The following ARHGAP10 variants were observed in gnomAD, a reference collection of about 807,000 sequenced individuals.
ARHGAP10 encodes the protein Rho GTPase activating protein 10.
In ARHGAP10, 87 loss-of-function variants were observed where a neutral mutation model predicts 108.6. That is an observed-to-expected ratio of 0.80 (90% confidence interval 0.67 to 0.96). The LOEUF is 0.96. ARHGAP10 is among the 40% of genes least tolerant of loss of function. The pLI is 0.00. For missense variants in ARHGAP10, 939 were observed against 954.5 expected, an observed-to-expected ratio of 0.98 and a Z score of 0.21; for synonymous variants, 347 against 341.1, an observed-to-expected ratio of 1.02 and a Z score of -0.19.
intron 10 of ARHGAP10, among the ~76,000 whole-genome samples, chr4:147,887,368 C>T (rs1436465489): frequency 6.6e-6 from 1 of 151,946 alleles, no homozygotes; most frequent in Admixed American, 6.6e-5. Context: ...ACTCAAGCAA[C>T]TCTACTTTTT....
intron 1 of ARHGAP10, among the ~76,000 whole-genome samples, chr4:147,793,162 GTATGTGTGTGTGTGTGTGCATA>G (rs1426709781): frequency 4.6e-5 from 7 of 151,792 alleles, no homozygotes; most frequent in African/African-American, 1.7e-4. Flanking sequence ...GTGTGTGTAT[GTATGTGTGTGTGTGTGTGCATA>G]TATGTGTGTG....
intron 1 of ARHGAP10, among the ~76,000 whole-genome samples, chr4:147,736,727 A>G (rs1728431784): frequency 6.6e-6 from 1 of 152,198 alleles, no homozygotes; most frequent in South Asian, 2.1e-4. Context: ...TAGCTGCTCA[A>G]TAAAATCACC....
Position 147,814,784 on chromosome 4 carries a change from A to G in ARHGAP10, c.155-7943A>G, listed in dbSNP as rs547770560. On this transcript the variant is annotated intron_variant, in intron 1 of 22. Coordinates refer to ENST00000336498, the MANE Select transcript of ARHGAP10 (RefSeq NM_024605.4). ...CCTAATTTCTTCTTTTTATAAGAAC[A>G]CAAGTCATATTGGAGCAGGGCCCAT... is the stretch of plus-strand genomic sequence containing the variant. Among the ~76,000 whole-genome samples, 16 of 152,298 alleles carry G rather than the reference A, an allele frequency of 1.1e-4. 1 individual carries two copies. The highest frequency in any genetic ancestry group is 3.6e-4 in the African/African-American group (15 of 41,556).
At chr4:148,051,942 AC>A (rs889517006) in intron 20 of ARHGAP10, among the ~76,000 whole-genome samples, 5 of 152,110 alleles carry the variant, frequency 3.3e-5, no homozygotes, top group African/African-American at 1.2e-4. Context: ...TTTCTCAGAG[AC>A]AGCTGCTTGG....
intron 18 of ARHGAP10, among the ~76,000 whole-genome samples, chr4:148,019,788 A>AC (rs1741493879): frequency 1.3e-5 from 2 of 151,936 alleles, no homozygotes; most frequent in South Asian, 4.2e-4. Context: ...AAAACAAAAA[A>AC]CAAAAAACGT....
chr4:147,849,308 C>G (rs1036204190), intron 4 of ARHGAP10, among the ~76,000 whole-genome samples: 1 of 151,530 alleles, frequency 6.6e-6, no homozygotes, highest in African/African-American at 2.4e-5. Context: ...AATAAATAGC[C>G]TATCCAACTG....
intron 10 of ARHGAP10, among the ~76,000 whole-genome samples, chr4:147,886,564 C>T (rs191942306): frequency 1.2e-4 from 19 of 152,322 alleles, no homozygotes; most frequent in African/African-American, 4.3e-4. Flanking sequence ...TCACTCATCA[C>T]AGTCCCTTTT....
intron 1 of ARHGAP10, among the ~76,000 whole-genome samples, chr4:147,752,596 T>G (rs1346009404): frequency 6.6e-6 from 1 of 152,032 alleles, no homozygotes; most frequent in Non-Finnish European, 1.5e-5. Flanking sequence ...GGCGTGATCT[T>G]GGCTCACTGC....
intron 4 of ARHGAP10, among the ~76,000 whole-genome samples, chr4:147,850,420 A>G (rs1383297090): frequency 6.6e-6 from 1 of 152,150 alleles, no homozygotes; most frequent in Non-Finnish European, 1.5e-5. Context: ...CACTACCTTT[A>G]TGAGCTGTAA....
intron 15 of ARHGAP10, among the ~76,000 whole-genome samples, chr4:147,953,192 C>T (rs1738674776): frequency 6.6e-6 from 1 of 151,864 alleles, no homozygotes; most frequent in African/African-American, 2.4e-5. Context: ...ATAGTTGCAT[C>T]TATGTTCATG....
At chr4:148,018,053 G>T (rs925291202) in intron 18 of ARHGAP10, among the ~76,000 whole-genome samples, 1 of 152,114 alleles carries the variant, frequency 6.6e-6, no homozygotes, top group African/African-American at 2.4e-5. Flanking sequence ...GAGTAAGCAA[G>T]CACTTCCTTA....
At chr4:147,767,367 CT>C (rs35679243) in intron 1 of ARHGAP10, among the ~76,000 whole-genome samples, 110,117 of 148,008 alleles carry the variant, frequency 0.74, 45,599 homozygotes, top group Non-Finnish European at 0.92. Context: ...CAGAATTTAT[CT>C]TTTTTTTTTT....
rs1474478455 is a variant in ARHGAP10, at chr4:148,001,619, A to T, written c.1717-21644A>T. ...CAGTGCTTTATAGTTCTCCTTGAAG[A>T]GGTCCTTCACATCCCTTGTAAGTTG... On this transcript the variant is annotated intron_variant, in intron 18 of 22. Transcript: ENST00000336498. Among the ~76,000 whole-genome samples, 3 of 140,876 alleles carry T rather than the reference A, an allele frequency of 2.1e-5. No homozygotes were observed. In the East Asian group the frequency reaches 6.3e-4, roughly 30 times the overall value. The allele number at this position is 140,876 out of a possible 152,430, so 92.4% of individuals were successfully genotyped here.
intron 1 of ARHGAP10, among the ~76,000 whole-genome samples, chr4:147,815,367 G>A (rs993302230): frequency 1.3e-5 from 2 of 152,158 alleles, no homozygotes; most frequent in Admixed American, 6.5e-5. Context: ...TGGCCCTCCA[G>A]TGATGTCCTG....
chr4:148,018,163 C>T (rs1741421952), intron 18 of ARHGAP10, among the ~76,000 whole-genome samples: 1 of 151,974 alleles, frequency 6.6e-6, no homozygotes, highest in Non-Finnish European at 1.5e-5. Context: ...AAATTTTCAC[C>T]CTGTGGGGAA....
intron 1 of ARHGAP10, among the ~76,000 whole-genome samples, chr4:147,778,227 A>G (rs1730384788): frequency 6.6e-6 from 1 of 152,176 alleles, no homozygotes; most frequent in Admixed American, 6.5e-5. Context: ...CACCTTTGAA[A>G]GAGTGGGTGC....
intron 1 of ARHGAP10, among the ~76,000 whole-genome samples, chr4:147,798,775 CTCTCTCTATATATATATATATA>C (rs1731449198): frequency 2.3e-4 from 1 of 4,346 alleles, no homozygotes; most frequent in Non-Finnish European, 1.7e-3. Flanking sequence ...CTCTCTCTCT[CTCTCTCTATATATATATATATA>C]TATATATATA....
chr4:147,847,319 G>C, intron 4 of ARHGAP10, 97 bp downstream of exon 4: 1 of 1,087,618 alleles, frequency 9.2e-7, no homozygotes. Flanking sequence ...GGAGATGCCG[G>C]AGCAAACCAT....
At chr4:147,976,594 TA>T (rs1739606531) in intron 18 of ARHGAP10, among the ~76,000 whole-genome samples, 2 of 152,056 alleles carry the variant, frequency 1.3e-5, no homozygotes, top group South Asian at 4.2e-4. Context: ...CTGGAGTGTT[TA>T]AAAAGAGACT....
Sources: allele counts gnomAD v4.1 joint callset (sites outside exome capture counted in the v4.1 genomes callset), GRCh38; gene constraint gnomAD v4.1.1; transcripts MANE v1.5; gene names NCBI Gene and HGNC (gene_info 2026-07-23, HGNC 2026-07-21).